Variants in CERT1 observed in about 807,000 individuals in gnomAD.
CERT1 encodes ceramide transporter 1.
CERT1 carries 31 observed loss-of-function variants against 87.9 expected under a neutral mutation model. The observed-to-expected ratio is 0.35, with a 90% CI of 0.27 to 0.48. The LOEUF (loss-of-function observed/expected upper bound fraction) is 0.48, where lower values mean the gene tolerates loss of function less well. Ranked by LOEUF, CERT1 falls within the 20% of genes least tolerant of loss-of-function variation. The probability of loss-of-function intolerance (pLI) is 0.99; values close to 1 mark genes in which losing one functional copy is unlikely to be tolerated. For synonymous variants in CERT1, 289 were observed against 250.9 expected, an observed-to-expected ratio of 1.15 and a Z score of -1.44; for missense variants, 487 against 758.0, an observed-to-expected ratio of 0.64 and a Z score of 4.20.
chr5:75,420,347 G>GTT (rs11310251), intron 5 of CERT1, among the ~76,000 whole-genome samples: 17 of 138,528 alleles, frequency 1.2e-4, no homozygotes, highest in Admixed American at 1.5e-4. Context: ...GATATCGACT[G>GTT]TTTTTTTTTT....
intron 1 of CERT1, among the ~76,000 whole-genome samples, 187 bp downstream of exon 1, chr5:75,510,925 G>A (rs1035503570): frequency 1.2e-4 from 18 of 152,006 alleles, no homozygotes; most frequent in Admixed American, 9.8e-4. Flanking sequence ...GGCTGCCCCC[G>A]ACGAGCCCCC....
intron 11 of CERT1, among the ~76,000 whole-genome samples, chr5:75,395,884 C>CA (rs1048799585): frequency 2.5e-4 from 34 of 138,702 alleles, no homozygotes; most frequent in African/African-American, 7.8e-4. Flanking sequence ...AAAAAACAAA[C>CA]AACAACAACA....
chr5:75,497,057 T>C (rs2112446558), intron 2 of CERT1, among the ~76,000 whole-genome samples: 1 of 152,108 alleles, frequency 6.6e-6, no homozygotes, highest in Non-Finnish European at 1.5e-5. Flanking sequence ...AAAAAGACTA[T>C]CAAGAATACA....
In CERT1 at chr5:75,481,604, C is replaced by G. The variant is rs2112391961; in HGVS notation, c.232-22423G>C. ...TATATCATCCCCAAATGTAAAATATCTTAAACAATTTGTTTTCTGTTTGTA... is the reference window on the plus strand; with the variant it reads ...TATATCATCCCCAAATGTAAAATATGTTAAACAATTTGTTTTCTGTTTGTA... On this transcript the variant is annotated intron_variant, in intron 2 of 16. Transcript: ENST00000643780. Among the ~76,000 whole-genome samples the G allele has an allele frequency of 1.3e-5, 2 of 152,250 alleles. 1 individual carries two copies. The highest frequency in any genetic ancestry group is 4.1e-4 in the South Asian group (2 of 4,824).
intron 3 of CERT1, among the ~76,000 whole-genome samples, chr5:75,438,751 C>T (rs970265120): frequency 2.6e-5 from 4 of 151,912 alleles, no homozygotes; most frequent in African/African-American, 9.7e-5. Flanking sequence ...AAACTGCTTC[C>T]CAAATTTGTT....
chr5:75,454,038 G>A (rs945012575), intron 3 of CERT1, among the ~76,000 whole-genome samples: 1 of 152,142 alleles, frequency 6.6e-6, no homozygotes, highest in Non-Finnish European at 1.5e-5. Flanking sequence ...GAAAAATACA[G>A]GTCTACTAAT....
At chr5:75,428,881 T>G (rs1161509956) in intron 3 of CERT1, among the ~76,000 whole-genome samples, 1 of 152,076 alleles carries the variant, frequency 6.6e-6, no homozygotes, top group Non-Finnish European at 1.5e-5. Context: ...TGTCCTATTA[T>G]CTCTTCAAGG....
chr5:75,430,255 C>T (rs945338915), intron 3 of CERT1, among the ~76,000 whole-genome samples: 2 of 152,098 alleles, frequency 1.3e-5, no homozygotes, highest in Non-Finnish European at 2.9e-5. Context: ...AAAAGTACTT[C>T]AATATGTTCT....
At chr5:75,462,130 A>G (rs1195426306) in intron 2 of CERT1, among the ~76,000 whole-genome samples, 2 of 152,104 alleles carry the variant, frequency 1.3e-5, no homozygotes, top group Non-Finnish European at 2.9e-5. Context: ...CACTGGTCTC[A>G]TTTTCCTTGT....
At position 75,454,734 on chromosome 5, in the gene CERT1, C is replaced by T. The variant is rs145550609; in HGVS notation, c.348+4331G>A. Among the ~76,000 whole-genome samples, 21 of 152,214 alleles carry T rather than the reference C, an allele frequency of 1.4e-4. No homozygotes were observed. The East Asian group carries it at 4.1e-3, about 29-fold the overall frequency. On this transcript the variant is annotated intron_variant, in intron 3 of 16. Coordinates refer to ENST00000643780, the MANE Select transcript of CERT1 (RefSeq NM_001379029.1). ...AAGAAGTTGCCGAAGAACTCAATGT[C>T]GACCATTCTACAGTTGTTTGGGATT...
chr5:75,382,289 G>T lies in CERT1; in HGVS notation c.1489-212C>A, dbSNP rs193027799. ...GGAATAATGTTCTATTTTTTTAATTGCAGTAAAATATATACACGTATAATT... is the reference window on the plus strand; with the variant it reads ...GGAATAATGTTCTATTTTTTTAATTTCAGTAAAATATATACACGTATAATT... On this transcript the variant is annotated intron_variant, in intron 14 of 16. Transcript: ENST00000643780. Among the ~76,000 whole-genome samples, 119 of 152,154 alleles carry T rather than the reference G, an allele frequency of 7.8e-4. No individual in the cohort carries two copies. In the East Asian group the frequency reaches 0.02, roughly 25 times the overall value.
chr5:75,455,827 C>G (rs995009090), intron 3 of CERT1, among the ~76,000 whole-genome samples: 2 of 152,100 alleles, frequency 1.3e-5, no homozygotes, highest in Admixed American at 6.5e-5. Context: ...AAATCACAAA[C>G]TAAAAGACAG....
intron 2 of CERT1, among the ~76,000 whole-genome samples, chr5:75,499,033 G>A (rs1225068978): frequency 6.6e-6 from 1 of 152,224 alleles, no homozygotes; most frequent in East Asian, 1.9e-4. Context: ...GGAGTCAAAG[G>A]AGATCATTTT....
Position 75,426,442 on chromosome 5 carries a change from G to A in CERT1, c.385C>T (p.Arg129Ter). 6.2e-7 allele frequency: 1 copy of A among 1,613,470 alleles called. No homozygotes were observed. Among genetic ancestry groups the A allele is most frequent in the Non-Finnish European group, 8.5e-7 (1 of 1,179,712 alleles). The part of the protein sequence containing the change: ...SGYGSESSLR[R>*]HGSMVSLVSG... Reference sequence around the variant, plus strand: ...ACCAGGGACACCATTGAGCCATGTCGACGCAAGCTGGATTCAGATCCATAT... The same window carrying A: ...ACCAGGGACACCATTGAGCCATGTCAACGCAAGCTGGATTCAGATCCATAT... The change falls in exon 4 of 17, where the codon CGA (arginine) becomes TGA (stop). Residue 129 changes from arginine to a stop codon, truncating the protein, a stop_gained. Transcript: ENST00000643780. LOFTEE classifies it high-confidence loss of function.
At chr5:75,494,037 A>G (rs1280251990) in intron 2 of CERT1, among the ~76,000 whole-genome samples, 1 of 151,984 alleles carries the variant, frequency 6.6e-6, no homozygotes, top group African/African-American at 2.4e-5. Context: ...AATACTGACA[A>G]ATTTCCTTCT....
At chr5:75,376,818 T>C (rs894843854), downstream of CERT1, 1 of 152,230 alleles carries the variant, frequency 6.6e-6, no homozygotes, top group African/African-American at 2.4e-5. Flanking sequence ...TATGTTAGTA[T>C]GGGATATTAG....
chr5:75,397,606 C>T (rs1762307128), intron 11 of CERT1, among the ~76,000 whole-genome samples: 1 of 152,118 alleles, frequency 6.6e-6, no homozygotes, highest in Non-Finnish European at 1.5e-5. Context: ...TGTATTCCTG[C>T]ATTTTTGATT....
chr5:75,458,496 C>T lies in CERT1; in HGVS notation c.348+569G>A, dbSNP rs184727803. On this transcript the variant is annotated intron_variant, in intron 3 of 16. Transcript: ENST00000643780. ...ATGAAGCAAAACCTAAATAAAAAAT[C>T]GAAATGTGTTTTATGAAAAAGGGTA... is the stretch of plus-strand genomic sequence containing the variant. 1.3e-3 allele frequency among the ~76,000 whole-genome samples: 202 copies of T among 151,526 alleles called. 3 individuals carry two copies. The highest frequency in any genetic ancestry group is 9.9e-4 in the African/African-American group (41 of 41,332).
intron 2 of CERT1, among the ~76,000 whole-genome samples, chr5:75,469,297 G>A (rs1765608987): frequency 6.6e-6 from 1 of 152,066 alleles, no homozygotes; most frequent in Admixed American, 6.6e-5. Flanking sequence ...AGGAATAAAA[G>A]AAAGCTTACG....
Sources: allele counts gnomAD v4.1 joint callset (sites outside exome capture counted in the v4.1 genomes callset), GRCh38; gene constraint gnomAD v4.1.1; transcripts MANE v1.5; gene names NCBI Gene and HGNC (gene_info 2026-07-23, HGNC 2026-07-21).